Variants in RTN1 observed in about 807,000 individuals in gnomAD.
RTN1 encodes the protein reticulon 1.
A neutral mutation model predicts 65.5 loss-of-function variants in RTN1; 25 were observed. The observed-to-expected ratio is 0.38, with a 90% CI of 0.28 to 0.53. RTN1 has a LOEUF of 0.53. Among genes scored for constraint, RTN1 ranks in the 20% least tolerant of loss-of-function variants. The pLI, the probability that RTN1 is intolerant of heterozygous loss-of-function variation, is 0.79. For missense variants in RTN1, 983 were observed against 1,025.4 expected (o/e 0.96, Z 0.57); for synonymous variants, 471 against 447.6 (o/e 1.05, Z -0.66).
At chr14:59,651,029 T>A (rs2060471014) in intron 3 of RTN1, among the ~76,000 whole-genome samples, 1 of 151,704 alleles carries the variant, frequency 6.6e-6, no homozygotes, top group African/African-American at 2.4e-5. Flanking sequence ...AAAAAAACTA[T>A]TTTACATTAA....
At chr14:59,624,309 A>G (rs1221545520) in intron 3 of RTN1, among the ~76,000 whole-genome samples, 4 of 152,212 alleles carry the variant, frequency 2.6e-5, no homozygotes, top group African/African-American at 9.7e-5. Flanking sequence ...TTGGAATATA[A>G]TTTTAATTAT....
intron 2 of RTN1, among the ~76,000 whole-genome samples, chr14:59,730,383 G>A (rs1884873925): frequency 6.6e-6 from 1 of 152,072 alleles, no homozygotes; most frequent in Non-Finnish European, 1.5e-5. Flanking sequence ...CTTCAAATGG[G>A]TCAATAGCCT....
At chr14:59,607,988 T>G (rs1881819923) in intron 3 of RTN1, among the ~76,000 whole-genome samples, 1 of 152,184 alleles carries the variant, frequency 6.6e-6, no homozygotes, top group African/African-American at 2.4e-5. Context: ...GCTTACATTC[T>G]GTGATTTAAA....
intron 1 of RTN1, among the ~76,000 whole-genome samples, chr14:59,762,509 G>A (rs1276693255): frequency 1.3e-5 from 2 of 152,152 alleles, no homozygotes; most frequent in Non-Finnish European, 2.9e-5. Flanking sequence ...AGTGGCAGAA[G>A]CAGAACTCAG....
At chr14:59,721,009 T>G (rs1407621558) in intron 3 of RTN1, among the ~76,000 whole-genome samples, 2 of 152,216 alleles carry the variant, frequency 1.3e-5, no homozygotes, top group Non-Finnish European at 2.9e-5. Flanking sequence ...TAATGACTTT[T>G]TTTTTTTAGA....
intron 1 of RTN1, among the ~76,000 whole-genome samples, chr14:59,792,006 C>G (rs997763873): frequency 5.3e-5 from 8 of 152,080 alleles, no homozygotes; most frequent in African/African-American, 1.2e-4. Context: ...TCTCCTGCCC[C>G]CTCCCCTGCC....
chr14:59,751,424 T>C (rs905986615), intron 1 of RTN1, among the ~76,000 whole-genome samples: 2 of 152,088 alleles, frequency 1.3e-5, no homozygotes, highest in African/African-American at 2.4e-5. Flanking sequence ...GTAGACCTCA[T>C]TGGAGGCAGG....
At chr14:59,668,862 C>T (rs572794669) in intron 3 of RTN1, among the ~76,000 whole-genome samples, 30 of 152,284 alleles carry the variant, frequency 2.0e-4, no homozygotes, top group African/African-American at 2.4e-4. Flanking sequence ...AAATGCTCAT[C>T]GTCACTGGTG....
At chr14:59,753,746 G>A (rs1024647373) in intron 1 of RTN1, among the ~76,000 whole-genome samples, 1 of 152,184 alleles carries the variant, frequency 6.6e-6, no homozygotes, top group African/African-American at 2.4e-5. Context: ...TGGCAGATGT[G>A]GGACCTGAGA....
chr14:59,811,024 TGTAA>T, intron 1 of RTN1, among the ~76,000 whole-genome samples: 1 of 152,286 alleles, frequency 6.6e-6, no homozygotes, highest in Middle Eastern at 3.4e-3. Flanking sequence ...TCTATATATG[TGTAA>T]GTCTTATTGA....
At chr14:59,869,190 C>T (rs1887846381) in intron 1 of RTN1, among the ~76,000 whole-genome samples, 1 of 152,080 alleles carries the variant, frequency 6.6e-6, no homozygotes, top group African/African-American at 2.4e-5. Flanking sequence ...CAGTTAATTA[C>T]GATTACCTTA....
intron 1 of RTN1, among the ~76,000 whole-genome samples, chr14:59,752,154 T>C (rs1254448814): frequency 1.3e-5 from 2 of 152,188 alleles, no homozygotes; most frequent in East Asian, 1.9e-4. Context: ...ATCTCCATGA[T>C]GAATTTGCTG....
intron 3 of RTN1, among the ~76,000 whole-genome samples, chr14:59,711,333 T>C (rs765170909): frequency 2.6e-5 from 4 of 152,168 alleles, no homozygotes; most frequent in Non-Finnish European, 5.9e-5. Flanking sequence ...TCAGAAAGCA[T>C]CCTTCTCTGC....
At position 59,745,811 on chromosome 14, in the gene RTN1, T is replaced by C; in HGVS notation, c.912A>G (p.Gln304=). The change falls in exon 2 of 9, where the codon CAA becomes CAG. Residue 304 remains glutamine, a synonymous_variant. Coordinates refer to ENST00000267484, the MANE Select transcript of RTN1 (RefSeq NM_021136.3). ...TTTQEKTPEK[Q]DICLKPSPDT... is the part of the protein sequence containing the mutation. ...CAGGACTTGGCTTTAGACATATATCTTGCTTCTCAGGGGTCTTCTCTTGGG... is the reference window on the plus strand; with the variant it reads ...CAGGACTTGGCTTTAGACATATATCCTGCTTCTCAGGGGTCTTCTCTTGGG... The C allele has an allele frequency of 6.2e-7, 1 of 1,614,052 alleles. No individual in the cohort carries two copies. Among genetic ancestry groups the C allele is most frequent in the Non-Finnish European group, 8.5e-7 (1 of 1,180,004 alleles).
intron 1 of RTN1, among the ~76,000 whole-genome samples, chr14:59,789,020 T>C (rs752098714): frequency 1.8e-4 from 28 of 152,232 alleles, no homozygotes; most frequent in Non-Finnish European, 3.5e-4. Flanking sequence ...AAAAGCCTTT[T>C]GTATATTATG....
At position 59,617,489 on chromosome 14, in the gene RTN1, G is replaced by A. The variant is rs183732549; in HGVS notation, c.1766-9997C>T. 2.6e-5 allele frequency among the ~76,000 whole-genome samples: 4 copies of A among 152,262 alleles called. No individual in the cohort carries two copies. In the East Asian group the frequency reaches 7.7e-4, roughly 29 times the overall value. ...TACTTTATGCAAATAATCAGGCCAA[G>A]TACAGTAAGAGTAAAATTCATTTTA... On this transcript the variant is annotated intron_variant, in intron 3 of 8. Transcript: ENST00000267484.
chr14:59,599,621 A>G (rs1043769592), intron 8 of RTN1, among the ~76,000 whole-genome samples: 3 of 152,292 alleles, frequency 2.0e-5, no homozygotes, highest in Admixed American at 1.3e-4. Context: ...GACACCAAGA[A>G]GACTTGCTGA....
At chr14:59,753,908 C>T (rs781418732) in intron 1 of RTN1, among the ~76,000 whole-genome samples, 12 of 152,336 alleles carry the variant, frequency 7.9e-5, no homozygotes, top group Admixed American at 2.0e-4. Context: ...TTCTCCACAG[C>T]TGTTTCCTGG....
At chr14:59,789,098 C>A (rs1886302592) in intron 1 of RTN1, among the ~76,000 whole-genome samples, 1 of 151,870 alleles carries the variant, frequency 6.6e-6, no homozygotes, top group Non-Finnish European at 1.5e-5. Flanking sequence ...GTTCTTCCTT[C>A]ATATTTTCTA....
Sources: allele counts gnomAD v4.1 joint callset (sites outside exome capture counted in the v4.1 genomes callset), GRCh38; gene constraint gnomAD v4.1.1; transcripts MANE v1.5; gene names NCBI Gene and HGNC (gene_info 2026-07-23, HGNC 2026-07-21).